The following KCND3 variants were observed in gnomAD, a reference collection of about 807,000 sequenced individuals.
KCND3 encodes potassium voltage-gated channel subfamily D member 3.
A neutral mutation model predicts 51.1 loss-of-function variants in KCND3; 9 were observed. The observed-to-expected ratio is 0.18, with a 90% CI of 0.11 to 0.31. The LOEUF (loss-of-function observed/expected upper bound fraction) is 0.31, where lower values mean the gene tolerates loss of function less well. Ranked by LOEUF, KCND3 falls within the 10% of genes least tolerant of loss-of-function variation. KCND3 has a pLI of 1.00. For synonymous variants in KCND3, 349 were observed against 368.0 expected (o/e 0.95, Z 0.59); for missense variants, 526 against 903.8 (o/e 0.58, Z 5.36).
intron 2 of KCND3, among the ~76,000 whole-genome samples, chr1:111,834,023 G>A (rs1424015496): frequency 6.6e-6 from 1 of 152,196 alleles, no homozygotes; most frequent in Non-Finnish European, 1.5e-5. Flanking sequence ...TCCTTGATAA[G>A]CTGGGAAGTA....
intron 2 of KCND3, among the ~76,000 whole-genome samples, chr1:111,814,703 G>A (rs561302295): frequency 2.0e-5 from 3 of 152,336 alleles, no homozygotes; most frequent in South Asian, 2.1e-4. Flanking sequence ...GAGCCTGAAA[G>A]TTATTGCCAG....
intron 2 of KCND3, among the ~76,000 whole-genome samples, chr1:111,882,489 G>A (rs1262170216): frequency 2.0e-5 from 3 of 152,220 alleles, no homozygotes; most frequent in African/African-American, 4.8e-5. Context: ...GTGGCCTAGA[G>A]GGGAAGTTCT....
At chr1:111,851,792 G>A (rs796723057) in intron 2 of KCND3, among the ~76,000 whole-genome samples, 8 of 152,308 alleles carry the variant, frequency 5.3e-5, no homozygotes, top group South Asian at 2.1e-4. Flanking sequence ...ACCATGAGGC[G>A]GCCGTGGCTA....
chr1:111,870,846 G>C (rs1266704424), intron 2 of KCND3, among the ~76,000 whole-genome samples: 1 of 152,234 alleles, frequency 6.6e-6, no homozygotes, highest in African/African-American at 2.4e-5. Flanking sequence ...AAGACAGACA[G>C]AGTCAGACAT....
intron 2 of KCND3, among the ~76,000 whole-genome samples, chr1:111,929,503 C>T (rs1671861889): frequency 6.6e-6 from 1 of 152,210 alleles, no homozygotes; most frequent in Admixed American, 6.5e-5. Context: ...GACAGAAAAC[C>T]CGGAGATGCA....
intron 2 of KCND3, among the ~76,000 whole-genome samples, chr1:111,848,461 C>T (rs937554740): frequency 2.6e-5 from 4 of 152,204 alleles, no homozygotes; most frequent in African/African-American, 9.7e-5. Flanking sequence ...TCCCCCTCCC[C>T]TAGGTGCTGA....
chr1:111,819,861 G>T (rs1666270572), intron 2 of KCND3, among the ~76,000 whole-genome samples: 1 of 152,172 alleles, frequency 6.6e-6, no homozygotes, highest in Non-Finnish European at 1.5e-5. Flanking sequence ...CCATGACTGA[G>T]TCCAAGGATG....
At chr1:111,941,751 G>A (rs770042558) in intron 2 of KCND3, among the ~76,000 whole-genome samples, 3 of 152,178 alleles carry the variant, frequency 2.0e-5, no homozygotes, top group South Asian at 2.1e-4. Flanking sequence ...CTGTCTCCCC[G>A]CTTGCAACTG....
chr1:111,808,783 G>A (rs2101567885), intron 2 of KCND3, among the ~76,000 whole-genome samples: 1 of 152,336 alleles, frequency 6.6e-6, no homozygotes, highest in African/African-American at 2.4e-5. Flanking sequence ...GCTCCAAGAG[G>A]AGACTGCCAA....
chr1:111,857,045 T>A (rs1452281240), intron 2 of KCND3: 1 of 152,296 alleles, frequency 6.6e-6, no homozygotes, highest in Non-Finnish European at 1.5e-5. Flanking sequence ...TGGCCACTCC[T>A]CCTCCTCTAA....
chr1:111,803,076 G>A (rs1173456192), intron 2 of KCND3, among the ~76,000 whole-genome samples: 4 of 152,214 alleles, frequency 2.6e-5, no homozygotes, highest in Non-Finnish European at 5.9e-5. Context: ...CGAAGGACAG[G>A]AGCCAGGGCC....
chr1:111,790,509 G>A (rs1110765), intron 2 of KCND3, among the ~76,000 whole-genome samples: 6,139 of 152,152 alleles, frequency 0.04, 380 homozygotes, highest in African/African-American at 0.14. Context: ...TCAAAATAGG[G>A]CATCTCACCC....
At chr1:111,944,362 T>C (rs572867859) in intron 2 of KCND3, among the ~76,000 whole-genome samples, 102 of 152,316 alleles carry the variant, frequency 6.7e-4, no homozygotes, top group Non-Finnish European at 1.2e-3. Context: ...AAGATACAAT[T>C]ACAAAGCCAA....
intron 2 of KCND3, among the ~76,000 whole-genome samples, chr1:111,939,230 T>G (rs1209104599): frequency 2.0e-5 from 3 of 152,190 alleles, no homozygotes; most frequent in African/African-American, 7.2e-5. Context: ...TTTATTTATT[T>G]TTAATTTTTT....
chr1:111,940,561 C>T (rs1243945318), intron 2 of KCND3, among the ~76,000 whole-genome samples: 1 of 152,180 alleles, frequency 6.6e-6, no homozygotes, highest in Non-Finnish European at 1.5e-5. Context: ...CTCTCTGAGG[C>T]CTCTGCTCTG....
At chr1:111,794,692 C>T (rs935899008) in intron 2 of KCND3, among the ~76,000 whole-genome samples, 2 of 152,200 alleles carry the variant, frequency 1.3e-5, no homozygotes, top group Admixed American at 1.3e-4. Context: ...TGGCTTCCTC[C>T]TTGTCCGGGG....
At chr1:111,784,060 A>G (rs1664503180) in intron 3 of KCND3, among the ~76,000 whole-genome samples, 1 of 150,608 alleles carries the variant, frequency 6.6e-6, no homozygotes, top group Admixed American at 6.6e-5. Flanking sequence ...GTGATGTTGA[A>G]ACTGTTCAGT....
rs61788878 is a variant in KCND3, at chr1:111,863,829, A to C, written c.1107-76723T>G. Among the ~76,000 whole-genome samples the C allele has an allele frequency of 7.4e-3, 1,121 of 152,330 alleles. 8 individuals are homozygous for C. Among genetic ancestry groups the C allele is most frequent in the Non-Finnish European group, 0.012 (838 of 68,036 alleles). ...AGCAGGATGCAGGGAGACCAGCTGA[A>C]AGACAACTGAGTAATCCAGGGGAGA... On this transcript the variant is annotated intron_variant, in intron 2 of 7. Coordinates refer to ENST00000302127, the MANE Select transcript of KCND3 (RefSeq NM_001378969.1).
Position 111,828,394 on chromosome 1 carries a change from AAT to A in KCND3, c.1107-41290_1107-41289del, listed in dbSNP as rs151123693. Among the ~76,000 whole-genome samples, 634 of 152,278 alleles carry A rather than the reference AAT, an allele frequency of 4.2e-3. 3 individuals are homozygous for A. The highest frequency in any genetic ancestry group is 0.015 in the African/African-American group (607 of 41,542). On this transcript the variant is annotated intron_variant, in intron 2 of 7. Transcript: ENST00000302127. The stretch of plus-strand genomic sequence containing the variant: ...TTGTAGCTGTTACTTCTCTTGATTG[AAT>A]AGATAAAAAAGAGTATGTTTATACT...
Sources: gnomAD v4.1 joint callset for allele counts (sites outside exome capture counted in the v4.1 genomes callset) on GRCh38, gnomAD v4.1.1 for gene constraint, MANE v1.5 for transcripts, NCBI Gene and HGNC (gene_info 2026-07-23, HGNC 2026-07-21) for gene names.